The following ADAMTS12 variants were observed in gnomAD, a reference collection of about 807,000 sequenced individuals.
ADAMTS12 encodes the protein A disintegrin and metalloproteinase with thrombospondin motifs 12.
A neutral mutation model predicts 167.8 loss-of-function variants in ADAMTS12; 118 were observed. The ratio of observed to expected loss-of-function variants is 0.70; its 90% CI spans 0.61 to 0.82. The LOEUF (loss-of-function observed/expected upper bound fraction) is 0.82, where lower values mean the gene tolerates loss of function less well. Ranked by LOEUF, ADAMTS12 falls within the 40% of genes least tolerant of loss-of-function variation. The probability of loss-of-function intolerance (pLI) is 0.00; values close to 1 mark genes in which losing one functional copy is unlikely to be tolerated. For synonymous variants in ADAMTS12, 704 were observed against 716.9 expected, an observed-to-expected ratio of 0.98 and a Z score of 0.29; for missense variants, 1,916 against 1,998.8, an observed-to-expected ratio of 0.96 and a Z score of 0.79.
chr5:33,569,602 C>T (rs1340781673), intron 19 of ADAMTS12, among the ~76,000 whole-genome samples: 1 of 152,132 alleles, frequency 6.6e-6, no homozygotes, highest in Non-Finnish European at 1.5e-5. Context: ...CTGTACATCA[C>T]CATCATCAAA....
At chr5:33,686,887 A>G (rs1742348051) in intron 3 of ADAMTS12, among the ~76,000 whole-genome samples, 1 of 149,322 alleles carries the variant, frequency 6.7e-6, no homozygotes, top group Admixed American at 6.7e-5. Context: ...TAGGCACTGA[A>G]TATATATACA....
intron 3 of ADAMTS12, among the ~76,000 whole-genome samples, chr5:33,706,908 C>T (rs562005428): frequency 6.6e-6 from 1 of 152,258 alleles, no homozygotes; most frequent in South Asian, 2.1e-4. Context: ...CAAGTATGCC[C>T]TTTCTCACCA....
intron 2 of ADAMTS12, among the ~76,000 whole-genome samples, chr5:33,804,574 C>T (rs10472896): frequency 0.15 from 23,417 of 152,138 alleles, 2,291 homozygotes; most frequent in East Asian, 0.34. Flanking sequence ...TTCCCCAACA[C>T]GTGCTGAAAG....
intron 23 of ADAMTS12, among the ~76,000 whole-genome samples, chr5:33,528,905 C>T (rs965220816): frequency 3.9e-5 from 6 of 152,076 alleles, no homozygotes; most frequent in South Asian, 2.1e-4. Context: ...AGTAGCTGGG[C>T]GTGGTGGTGG....
In ADAMTS12 at chr5:33,576,758, G is replaced by C; in HGVS notation, c.3268C>G (p.Pro1090Ala). The change falls in exon 19 of 24, where the codon CCC becomes GCC. Residue 1090 changes from proline to alanine, a missense_variant. Transcript: ENST00000504830. ...YLISTGSTSQ[P>A]ILTSQSLSIQ... ...CTCAAGGATTGGGAAGTGAGGATGGGCTGGGAAGTGCTTCCAGTGGAAATG... is the reference window on the plus strand; with the variant it reads ...CTCAAGGATTGGGAAGTGAGGATGGCCTGGGAAGTGCTTCCAGTGGAAATG... The C allele has an allele frequency of 6.2e-7, 1 of 1,614,240 alleles. No individual in the cohort carries two copies. Among genetic ancestry groups the C allele is most frequent in the Non-Finnish European group, 8.5e-7 (1 of 1,180,056 alleles).
At chr5:33,699,084 G>C (rs1320859031) in intron 3 of ADAMTS12, among the ~76,000 whole-genome samples, 3 of 152,176 alleles carry the variant, frequency 2.0e-5, no homozygotes, top group Admixed American at 1.3e-4. Context: ...TTGAATCCAG[G>C]AGGCGGAGGT....
intron 2 of ADAMTS12, 28 bp downstream of exon 2, chr5:33,881,091 G>A: frequency 6.2e-7 from 1 of 1,605,526 alleles, no homozygotes; most frequent in Non-Finnish European, 8.5e-7. Flanking sequence ...CCAGGGCAGA[G>A]GAAGGAGATG....
chr5:33,637,456 A>C, intron 12 of ADAMTS12, 121 bp downstream of exon 12: 1 of 1,053,136 alleles, frequency 9.5e-7, no homozygotes, highest in Non-Finnish European at 1.3e-6. Context: ...AAATTACAAA[A>C]TTCCTGGTGT....
At chr5:33,643,560 C>A in intron 9 of ADAMTS12, 90 bp from the exon 10 acceptor site, 2 of 1,124,776 alleles carry the variant, frequency 1.8e-6, no homozygotes, top group Non-Finnish European at 1.3e-6. Flanking sequence ...CTCATCCACA[C>A]ACTCACAATA....
intron 2 of ADAMTS12, among the ~76,000 whole-genome samples, chr5:33,816,045 G>A (rs1161901309): frequency 6.6e-6 from 1 of 152,160 alleles, no homozygotes; most frequent in African/African-American, 2.4e-5. Flanking sequence ...CCCAGGTCTG[G>A]TCCTGCCATA....
At chr5:33,552,251 G>C (rs533127432) in intron 20 of ADAMTS12, among the ~76,000 whole-genome samples, 2 of 152,324 alleles carry the variant, frequency 1.3e-5, no homozygotes, top group African/African-American at 4.8e-5. Flanking sequence ...AGAGTATTCA[G>C]AGAAGTATAG....
At chr5:33,539,945 T>C (rs1744605315) in intron 22 of ADAMTS12, among the ~76,000 whole-genome samples, 1 of 152,044 alleles carries the variant, frequency 6.6e-6, no homozygotes, top group South Asian at 2.1e-4. Context: ...CTGGGACTGG[T>C]TGGACAGTGG....
intron 23 of ADAMTS12, among the ~76,000 whole-genome samples, chr5:33,530,955 A>G (rs1480174799): frequency 2.0e-5 from 3 of 152,212 alleles, no homozygotes; most frequent in Non-Finnish European, 4.4e-5. Context: ...AGATAGAATA[A>G]TGATGTCAGT....
intron 2 of ADAMTS12, among the ~76,000 whole-genome samples, chr5:33,790,689 A>G (rs547955751): frequency 6.6e-6 from 1 of 150,646 alleles, no homozygotes; most frequent in East Asian, 1.9e-4. Flanking sequence ...GTGTGTGTGT[A>G]CACACACGCA....
chr5:33,868,518 C>T (rs1749914067), intron 2 of ADAMTS12, among the ~76,000 whole-genome samples: 1 of 152,180 alleles, frequency 6.6e-6, no homozygotes, highest in South Asian at 2.1e-4. Context: ...TTAGAGGCAT[C>T]GTGCTCCTGC....
chr5:33,832,269 T>C (rs1006096637), intron 2 of ADAMTS12, among the ~76,000 whole-genome samples: 12 of 152,194 alleles, frequency 7.9e-5, no homozygotes, highest in Admixed American at 7.9e-4. Context: ...CCCTGACTCC[T>C]TGTGTGAGAT....
Position 33,858,667 on chromosome 5 carries a change from AAAAG to A in ADAMTS12, c.489+22448_489+22451del, listed in dbSNP as rs1194170006. On this transcript the variant is annotated intron_variant, in intron 2 of 23. Transcript: ENST00000504830. ...AGCAAGACATCATCTCAAAAAAAAA[AAAAG>A]AAAAGAAAAAAGAAATTGCCAACAA... 3.8e-4 allele frequency among the ~76,000 whole-genome samples: 56 copies of A among 147,438 alleles called. 2 individuals are homozygous for A. Among genetic ancestry groups the A allele is most frequent in the African/African-American group, 1.3e-3 (51 of 38,716 alleles).
chr5:33,580,096 T>A (rs1485853296), intron 18 of ADAMTS12, among the ~76,000 whole-genome samples: 3 of 152,208 alleles, frequency 2.0e-5, no homozygotes, highest in African/African-American at 7.2e-5. Flanking sequence ...AATTTACCAA[T>A]AACAAGAACT....
At chr5:33,588,848 C>T in intron 17 of ADAMTS12, 39 bp from the exon 18 acceptor site, 5 of 1,605,630 alleles carry the variant, frequency 3.1e-6, no homozygotes, top group Non-Finnish European at 4.2e-6. Context: ...AGATCGCCAA[C>T]TTACGCATAT....
Sources: gnomAD v4.1 joint callset for allele counts (sites outside exome capture counted in the v4.1 genomes callset) on GRCh38, gnomAD v4.1.1 for gene constraint, MANE v1.5 for transcripts, NCBI Gene and HGNC (gene_info 2026-07-23, HGNC 2026-07-21) for gene names.